TRIM71: variants seen among roughly 807,000 people sequenced by gnomAD.
The protein encoded by TRIM71 is tripartite motif containing 71.
A neutral mutation model predicts 61.2 loss-of-function variants in TRIM71; 9 were observed. The ratio of observed to expected loss-of-function variants is 0.15; its 90% confidence interval spans 0.09 to 0.26. The LOEUF is 0.26. Among genes scored for constraint, TRIM71 ranks in the 10% least tolerant of loss-of-function variants. The pLI, the probability that TRIM71 is intolerant of heterozygous loss-of-function variation, is 1.00. For missense variants in TRIM71, 998 were observed against 1,238.7 expected (o/e 0.81, Z 2.92); for synonymous variants, 645 against 553.2 (o/e 1.17, Z -2.33).
Position 32,868,783 on chromosome 3 carries a change from C to G in TRIM71, c.853-5035C>G, listed in dbSNP as rs191983538. ...AAATAAAAAGTGTTTTGGAAACACTCCCTCCTCATACTCCCACCACAGAAA... is the reference window on the plus strand; with the variant it reads ...AAATAAAAAGTGTTTTGGAAACACTGCCTCCTCATACTCCCACCACAGAAA... On this transcript the variant is annotated intron_variant, in intron 1 of 3. Coordinates refer to ENST00000383763, the MANE Select transcript of TRIM71 (RefSeq NM_001039111.3). 1.2e-4 allele frequency among the ~76,000 whole-genome samples: 18 copies of G among 152,052 alleles called. No individual in the cohort carries two copies. In the East Asian group the frequency reaches 2.9e-3, roughly 24 times the overall value.
At chr3:32,821,649 C>G (rs1284067138) in intron 1 of TRIM71, among the ~76,000 whole-genome samples, 1 of 152,136 alleles carries the variant, frequency 6.6e-6, no homozygotes, top group Admixed American at 6.5e-5. Context: ...TTCACTAGTT[C>G]TGTGCCTCCA....
intron 1 of TRIM71, among the ~76,000 whole-genome samples, chr3:32,828,502 C>CTTTTT (rs67014189): frequency 4.4e-4 from 41 of 93,250 alleles, no homozygotes; most frequent in Non-Finnish European, 5.6e-4. Flanking sequence ...CAATTGTAAA[C>CTTTTT]TTTTTTTTTT....
In TRIM71 at chr3:32,890,613, T is replaced by C; in HGVS notation, c.1409T>C (p.Leu470Pro). 2 of 1,613,964 alleles carry C rather than the reference T, an allele frequency of 1.2e-6. No homozygotes were observed. Among genetic ancestry groups the C allele is most frequent in the Non-Finnish European group, 1.7e-6 (2 of 1,180,034 alleles). The change falls in exon 4 of 4, where the codon CTT becomes CCT. Residue 470 changes from leucine (L) to proline (P), a missense_variant. Leu to Pro is a moderately conservative substitution (Grantham distance 98). This residue lies in a region of TRIM71 where 291 missense variants were observed against 431.2 expected (regional missense o/e 0.67). Transcript: ENST00000383763. The surrounding 1 kb of genome is among the most constrained non-coding windows in gnomAD (Gnocchi z 6.2). ...MFTPPDQALYLAIKSFGFVSS... is the reference protein window; with the variant it reads ...MFTPPDQALYPAIKSFGFVSS... ...ACACCCCCCGATCAGGCACTGTACC[T>C]TGCCATCAAGTCTTTTGGCTTTGTT...
rs1182178339 is a variant in TRIM71, at chr3:32,833,184, T to TAAAAAAAAAAAAAAAAAAAAAAAAAAAA, written c.852+14253_852+14280dup. Among the ~76,000 whole-genome samples the TAAAAAAAAAAAAAAAAAAAAAAAAAAAA allele has an allele frequency of 5.3e-4, 29 of 54,422 alleles. 1 individual carries two copies. Among genetic ancestry groups the TAAAAAAAAAAAAAAAAAAAAAAAAAAAA allele is most frequent in the Non-Finnish European group, 9.3e-4 (28 of 30,088 alleles). 35.7% of individuals were successfully genotyped at this position (54,422 alleles called of 152,430 possible). A position where few individuals can be genotyped will look rare whatever the true frequency, so the allele number is the denominator to read the frequency against. On this transcript the variant is annotated intron_variant, in intron 1 of 3. Coordinates refer to ENST00000383763, the MANE Select transcript of TRIM71 (RefSeq NM_001039111.3). ...GGTGACAAGAATGAAACTCTGTCTT[T>TAAAAAAAAAAAAAAAAAAAAAAAAAAAA]AAAAAAAAAAAAAAAAAAAAAAAAA...
At chr3:32,852,988 G>A (rs1199472657) in intron 1 of TRIM71, among the ~76,000 whole-genome samples, 2 of 151,982 alleles carry the variant, frequency 1.3e-5, no homozygotes, top group African/African-American at 4.8e-5. Context: ...CCTTACTATA[G>A]ATTTGGTTAC....
At chr3:32,832,528 A>G (rs1696283960) in intron 1 of TRIM71, among the ~76,000 whole-genome samples, 1 of 152,218 alleles carries the variant, frequency 6.6e-6, no homozygotes, top group Non-Finnish European at 1.5e-5. Context: ...CTGAATGAAC[A>G]GTACTCTTGG....
At chr3:32,882,565 A>T (rs1696920660) in intron 2 of TRIM71, among the ~76,000 whole-genome samples, 1 of 152,000 alleles carries the variant, frequency 6.6e-6, no homozygotes, top group African/African-American at 2.4e-5. Flanking sequence ...TTGTTTTGAG[A>T]CAGAGTCTTG....
In TRIM71 at chr3:32,896,636, T is replaced by C. The variant is rs924036004; in HGVS notation, c.*4825T>C. 1 of 152,198 alleles carries C rather than the reference T, an allele frequency of 6.6e-6. No homozygotes were observed. The highest frequency in any genetic ancestry group is 1.5e-5 in the Non-Finnish European group (1 of 68,046). 9.4% of individuals were successfully genotyped at this position (152,198 alleles called of 1,614,324 possible). ...TGAAGAAATACCTCAATGATGTCTA[T>C]TTTTAAAACTGATCTTACGGGTTAA... On this transcript the variant is annotated 3_prime_UTR_variant, in exon 4 of 4. Coordinates refer to ENST00000383763, the MANE Select transcript of TRIM71 (RefSeq NM_001039111.3).
rs891287465 is a variant in TRIM71, at chr3:32,818,716, C to T, written c.636C>T (p.Cys212=). The stretch of plus-strand genomic sequence containing the variant: ...AGGGCAACGCAGCTTCTTCGCGCTG[C>T]CTCGACTGCCAGGAGCACCTGTGCG... ...CDEGNAASSR[C]LDCQEHLCDN... The change falls in exon 1 of 4, where the codon TGC becomes TGT. Residue 212 remains cysteine, a synonymous_variant. Transcript: ENST00000383763. 3.1e-5 allele frequency: 50 copies of T among 1,592,346 alleles called. No individual in the cohort carries two copies. The African/African-American group carries it at 5.9e-4, about 19-fold the overall frequency.
At chr3:32,880,174 TACCACC>T in intron 2 of TRIM71, among the ~76,000 whole-genome samples, 1 of 151,830 alleles carries the variant, frequency 6.6e-6, no homozygotes, top group Non-Finnish European at 1.5e-5. Context: ...TACCGGCCTG[TACCACC>T]ACGCCTGGCT....
intron 1 of TRIM71, among the ~76,000 whole-genome samples, chr3:32,848,908 G>A (rs1291704823): frequency 6.6e-6 from 1 of 152,152 alleles, no homozygotes. Context: ...ACATCCCTAA[G>A]CCCCTAAACC....
Position 32,824,618 on chromosome 3 carries a change from G to A in TRIM71, c.852+5686G>A, listed in dbSNP as rs1426149857. ...CCTGCCTGTGTCTCTCAAGTAGCTG[G>A]GACTACAGGCTCTAGCCATCACACC... On this transcript the variant is annotated intron_variant, in intron 1 of 3. Coordinates refer to ENST00000383763, the MANE Select transcript of TRIM71 (RefSeq NM_001039111.3). Among the ~76,000 whole-genome samples, 7 of 152,048 alleles carry A rather than the reference G, an allele frequency of 4.6e-5. 1 individual carries two copies. The highest frequency in any genetic ancestry group is 8.8e-5 in the Non-Finnish European group (6 of 68,004).
chr3:32,851,741 AG>A (rs1444074514), intron 1 of TRIM71, among the ~76,000 whole-genome samples: 2 of 152,162 alleles, frequency 1.3e-5, no homozygotes, highest in African/African-American at 4.8e-5. Context: ...GGCCTCCCAA[AG>A]TGCTGGGTTT....
intron 1 of TRIM71, among the ~76,000 whole-genome samples, chr3:32,846,715 T>C (rs1433614388): frequency 7.5e-6 from 1 of 133,996 alleles, no homozygotes; most frequent in Admixed American, 8.4e-5. Flanking sequence ...CTACTTCTAC[T>C]CTAGTTCTCT....
intron 1 of TRIM71, among the ~76,000 whole-genome samples, chr3:32,871,423 G>A (rs1312967129): frequency 2.0e-5 from 3 of 152,194 alleles, no homozygotes; most frequent in Non-Finnish European, 4.4e-5. Context: ...GAGGCCACCC[G>A]AAGGTTTGGT....
intron 1 of TRIM71, among the ~76,000 whole-genome samples, chr3:32,821,837 G>T (rs1051758132): frequency 6.6e-6 from 1 of 151,656 alleles, no homozygotes; most frequent in African/African-American, 2.4e-5. Context: ...CGCCCGGCCA[G>T]CCCGGAGCCT....
intron 1 of TRIM71, among the ~76,000 whole-genome samples, chr3:32,849,555 T>C (rs1696515344): frequency 6.6e-6 from 1 of 151,986 alleles, no homozygotes; most frequent in Non-Finnish European, 1.5e-5. Context: ...GATGGGGTTT[T>C]GTCATGTTGG....
chr3:32,879,059 A>C (rs1696879628), intron 2 of TRIM71, among the ~76,000 whole-genome samples: 1 of 152,140 alleles, frequency 6.6e-6, no homozygotes, highest in African/African-American at 2.4e-5. Context: ...GTCACCTTAC[A>C]CATATATGTT....
Position 32,896,474 on chromosome 3 carries a change from T to C in TRIM71, c.*4663T>C, listed in dbSNP as rs139157647. The C allele has an allele frequency of 6.0e-4, 92 of 152,274 alleles. No homozygotes were observed. The highest frequency in any genetic ancestry group is 2.1e-3 in the African/African-American group (89 of 41,550). 9.4% of individuals were successfully genotyped at this position (152,274 alleles called of 1,614,324 possible). A position where few individuals can be genotyped will look rare whatever the true frequency, so the allele number is the denominator to read the frequency against. ...TTTTCCTTGTTTATTAAATACTTGA[T>C]AAAGTTGAGAAGCACATTACCAGGA... On this transcript the variant is annotated 3_prime_UTR_variant, in exon 4 of 4. Transcript: ENST00000383763.
Sources: allele counts gnomAD v4.1 joint callset (sites outside exome capture counted in the v4.1 genomes callset), GRCh38; gene constraint gnomAD v4.1.1; regional missense constraint gnomAD v4.1.1; non-coding constraint Gnocchi (gnomAD v3.1); transcripts MANE v1.5; gene names NCBI Gene and HGNC (gene_info 2026-07-23, HGNC 2026-07-21).